The following RNF216 variants were observed in gnomAD, a reference collection of about 807,000 sequenced individuals.
The protein encoded by RNF216 is ring finger protein 216, also known as E3 ubiquitin-protein ligase RNF216.
A neutral mutation model predicts 110.8 loss-of-function variants in RNF216; 72 were observed. That is an observed-to-expected ratio of 0.65 (90% CI 0.54 to 0.79). RNF216 has a LOEUF of 0.79. Among genes scored for constraint, RNF216 ranks in the 30% least tolerant of loss-of-function variants. The probability of loss-of-function intolerance (pLI) is 0.00; values close to 1 mark genes in which losing one functional copy is unlikely to be tolerated. For synonymous variants in RNF216, 495 were observed against 407.5 expected (o/e 1.21, Z -2.59); for missense variants, 1,342 against 1,141.2 (o/e 1.18, Z -2.54).
chr7:5,686,875 G>C (rs2128609917), intron 13 of RNF216, among the ~76,000 whole-genome samples: 1 of 152,284 alleles, frequency 6.6e-6, no homozygotes. Flanking sequence ...TTCACAACAG[G>C]GTTCACGCTC....
At chr7:5,664,672 G>A (rs1482131763) in intron 13 of RNF216, among the ~76,000 whole-genome samples, 4 of 152,230 alleles carry the variant, frequency 2.6e-5, no homozygotes, top group Non-Finnish European at 1.5e-5. Context: ...GGCTGTGGAA[G>A]GCCAGTTGCC....
At chr7:5,707,717 G>GTT (rs1491005269) in intron 13 of RNF216, among the ~76,000 whole-genome samples, 2 of 128,798 alleles carry the variant, frequency 1.6e-5, no homozygotes, top group African/African-American at 3.0e-5. Flanking sequence ...GTGTGTGTGT[G>GTT]GTTTTTTTTT....
chr7:5,631,816 C>G (rs1367030253), intron 15 of RNF216, among the ~76,000 whole-genome samples: 4 of 152,170 alleles, frequency 2.6e-5, no homozygotes, highest in Non-Finnish European at 5.9e-5. Context: ...TTTCCATTGG[C>G]TGCTTTTATA....
intron 3 of RNF216, among the ~76,000 whole-genome samples, chr7:5,746,105 C>CT (rs1327858789): frequency 1.3e-5 from 2 of 152,048 alleles, no homozygotes; most frequent in Non-Finnish European, 2.9e-5. Flanking sequence ...GGCTAACTCC[C>CT]TTTTTTGGGA....
chr7:5,713,877 A>G (rs1465841590), intron 11 of RNF216, among the ~76,000 whole-genome samples: 1 of 152,252 alleles, frequency 6.6e-6, no homozygotes, highest in Admixed American at 6.5e-5. Flanking sequence ...CATTTTACAG[A>G]GGAAGAAACA....
At chr7:5,737,933 C>T (rs1429089220) in intron 5 of RNF216, among the ~76,000 whole-genome samples, 1 of 151,840 alleles carries the variant, frequency 6.6e-6, no homozygotes, top group Non-Finnish European at 1.5e-5. Flanking sequence ...ACTAAAAATA[C>T]AAAAATTAGC....
chr7:5,780,737 A>G (rs1797037840), intron 1 of RNF216, among the ~76,000 whole-genome samples: 3 of 152,158 alleles, frequency 2.0e-5, no homozygotes, highest in Admixed American at 2.0e-4. Context: ...AAGTAAAAGA[A>G]AAAAGAACGT....
intron 15 of RNF216, among the ~76,000 whole-genome samples, chr7:5,625,221 G>A (rs1246297443): frequency 6.6e-6 from 1 of 152,192 alleles, no homozygotes; most frequent in Non-Finnish European, 1.5e-5. Flanking sequence ...GACTATAGGA[G>A]GGCTCTGTTC....
At chr7:5,717,308 G>A (rs1384266000) in intron 9 of RNF216, among the ~76,000 whole-genome samples, 4 of 152,152 alleles carry the variant, frequency 2.6e-5, no homozygotes, top group Admixed American at 6.6e-5. Flanking sequence ...AGCCGAAATC[G>A]CACCATTGCA....
At chr7:5,734,226 G>C (rs556046206) in intron 5 of RNF216, among the ~76,000 whole-genome samples, 4 of 152,124 alleles carry the variant, frequency 2.6e-5, no homozygotes, top group Non-Finnish European at 5.9e-5. Context: ...AAAGTAGATG[G>C]AAAATTTCAT....
chr7:5,673,272 T>A (rs1790042272), intron 13 of RNF216, among the ~76,000 whole-genome samples: 2 of 152,230 alleles, frequency 1.3e-5, no homozygotes, highest in South Asian at 4.1e-4. Flanking sequence ...CCCACCTATC[T>A]ACCCTGCCTG....
At position 5,630,384 on chromosome 7, in the gene RNF216, C is replaced by CT. The variant is rs201763146; in HGVS notation, c.2383-6260dup. 1.6e-3 allele frequency among the ~76,000 whole-genome samples: 239 copies of CT among 151,374 alleles called. 1 individual carries two copies. Among genetic ancestry groups the CT allele is most frequent in the African/African-American group, 5.1e-3 (209 of 41,252 alleles). On this transcript the variant is annotated intron_variant, in intron 15 of 16. Transcript: ENST00000389902. ...GGGTGAGAAGCCAATCATCTCGTAC[C>CT]TTTTTTTTTCCCTCTAGACAGGGTC...
At chr7:5,697,124 C>T (rs1791678877) in intron 13 of RNF216, among the ~76,000 whole-genome samples, 2 of 152,220 alleles carry the variant, frequency 1.3e-5, no homozygotes, top group South Asian at 2.1e-4. Flanking sequence ...CACCTGTCTA[C>T]TTGCTGACCC....
At chr7:5,726,626 G>C (rs1425701829) in intron 7 of RNF216, among the ~76,000 whole-genome samples, 1 of 152,260 alleles carries the variant, frequency 6.6e-6, no homozygotes, top group African/African-American at 2.4e-5. Context: ...GGGAGGCCGA[G>C]GCAGGTGGAT....
At position 5,649,885 on chromosome 7, in the gene RNF216, T is replaced by C. The variant is rs577772771; in HGVS notation, c.2159+2528A>G. The C allele has an allele frequency of 5.3e-5, 8 of 152,320 alleles. No individual in the cohort carries two copies. The South Asian group carries it at 1.7e-3, about 32-fold the overall frequency. 9.4% of individuals were successfully genotyped at this position (152,320 alleles called of 1,614,324 possible). ...GGTATGCTGCGAATGATTTGGAAAA[T>C]GCTTTTCCTGTCTGTTCGATAATCA... On this transcript the variant is annotated intron_variant, in intron 14 of 16. Coordinates refer to ENST00000389902, the MANE Select transcript of RNF216 (RefSeq NM_207111.4).
intron 3 of RNF216, among the ~76,000 whole-genome samples, chr7:5,743,206 G>A (rs1794857641): frequency 6.6e-6 from 1 of 152,014 alleles, no homozygotes; most frequent in South Asian, 2.1e-4. Flanking sequence ...AGGTTGCAGT[G>A]AGCCAAGATG....
chr7:5,702,042 G>A (rs773915416), intron 13 of RNF216, among the ~76,000 whole-genome samples: 1 of 152,210 alleles, frequency 6.6e-6, no homozygotes, highest in East Asian at 1.9e-4. Flanking sequence ...GGATCAGGGA[G>A]GTCGGCGACA....
intron 13 of RNF216, among the ~76,000 whole-genome samples, chr7:5,663,821 C>A (rs1200569050): frequency 6.6e-6 from 1 of 152,036 alleles, no homozygotes; most frequent in Admixed American, 6.6e-5. Context: ...TCACTTGAAC[C>A]CAGAAGGCAG....
At chr7:5,725,675 C>A (rs1364643641) in intron 7 of RNF216, among the ~76,000 whole-genome samples, 1 of 152,070 alleles carries the variant, frequency 6.6e-6, no homozygotes, top group South Asian at 2.1e-4. Context: ...CATGGTGAAA[C>A]CCTGTCTGTA....
Sources: allele counts gnomAD v4.1 joint callset (sites outside exome capture counted in the v4.1 genomes callset), GRCh38; gene constraint gnomAD v4.1.1; transcripts MANE v1.5; gene names NCBI Gene and HGNC (gene_info 2026-07-23, HGNC 2026-07-21).